Variants in TNRC6A observed in about 807,000 individuals in gnomAD.
The protein encoded by TNRC6A is trinucleotide repeat containing adaptor 6A.
A neutral mutation model predicts 221.2 loss-of-function variants in TNRC6A; 44 were observed. That is an observed-to-expected ratio of 0.20 (90% CI 0.16 to 0.26). The LOEUF is 0.26. Ranked by LOEUF, TNRC6A falls within the 10% of genes least tolerant of loss-of-function variation. The pLI is 1.00. For synonymous variants in TNRC6A, 847 were observed against 838.5 expected (o/e 1.01, Z -0.18); for missense variants, 2,199 against 2,404.4 (o/e 0.91, Z 1.79).
chr16:24,613,865 A>G (rs936844742), intron 1 of TNRC6A, among the ~76,000 whole-genome samples: 1 of 152,144 alleles, frequency 6.6e-6, no homozygotes, highest in African/African-American at 2.4e-5. Flanking sequence ...GGGAAGGAGC[A>G]TACTTGGATT....
chr16:24,725,777 GA>G (rs2056480958), upstream of TNRC6A, among the ~76,000 whole-genome samples: 1 of 151,878 alleles, frequency 6.6e-6, no homozygotes, highest in Admixed American at 6.6e-5. Flanking sequence ...CGAGGCGGGT[GA>G]TCACTTGAGT....
chr16:24,708,375 G>T (rs1289372933), intron 2 of TNRC6A, among the ~76,000 whole-genome samples: 1 of 151,960 alleles, frequency 6.6e-6, no homozygotes, highest in Non-Finnish European at 1.5e-5. Flanking sequence ...TGAATAGCTG[G>T]GTCTACAGGC....
At chr16:24,687,239 T>G (rs1390083591) in intron 2 of TNRC6A, among the ~76,000 whole-genome samples, 1 of 152,178 alleles carries the variant, frequency 6.6e-6, no homozygotes, top group Non-Finnish European at 1.5e-5. Flanking sequence ...ATCCATTCAA[T>G]GTCTACATCT....
intron 2 of TNRC6A, among the ~76,000 whole-genome samples, chr16:24,717,599 G>C (rs996365405): frequency 6.6e-6 from 1 of 152,024 alleles, no homozygotes; most frequent in African/African-American, 2.4e-5. Context: ...GCATTTGTCA[G>C]ATAAAGCAAA....
intron 21 of TNRC6A, 56 bp from the exon 22 acceptor site, chr16:24,820,083 T>G (rs2058736759): frequency 6.7e-7 from 1 of 1,492,212 alleles, no homozygotes; most frequent in Admixed American, 1.7e-5. Flanking sequence ...TTATTTAAAT[T>G]TCCTCCTTTC....
chr16:24,628,605 C>G (rs1901163495), intron 1 of TNRC6A, among the ~76,000 whole-genome samples: 1 of 152,070 alleles, frequency 6.6e-6, no homozygotes, highest in Admixed American at 6.6e-5. Context: ...ACCACTTCTA[C>G]TTAATGAATA....
intron 15 of TNRC6A, 80 bp downstream of exon 15, chr16:24,805,813 A>G (rs1169364968): frequency 5.7e-6 from 9 of 1,570,284 alleles, no homozygotes; most frequent in Non-Finnish European, 7.8e-6. Context: ...TGTGCGGGAC[A>G]TAGTGCACTA....
intron 2 of TNRC6A, among the ~76,000 whole-genome samples, chr16:24,737,230 ACTC>A (rs1457587266): frequency 6.6e-6 from 1 of 152,172 alleles, no homozygotes; most frequent in East Asian, 1.9e-4. Context: ...AAGGGTCATT[ACTC>A]CTCAAAGATT....
At position 24,791,624 on chromosome 16, in the gene TNRC6A, T is replaced by C. The variant is rs775965128; in HGVS notation, c.2982T>C (p.Ser994=). ...PTGWEEPSPE[S]IRRKMEIDDG... ...GCTGGGAGGAACCATCCCCAGAATC[T>C]ATACGTCGCAAAATGGAGATTGATG... is the stretch of plus-strand genomic sequence containing the variant. Residue 994 remains serine, a synonymous_variant, in exon 6 of 25, where the codon TCT becomes TCC. Coordinates refer to ENST00000395799, the MANE Select transcript of TNRC6A (RefSeq NM_014494.4). The C allele has an allele frequency of 6.2e-7, 1 of 1,610,828 alleles. No homozygotes were observed. The highest frequency in any genetic ancestry group is 8.5e-7 in the Non-Finnish European group (1 of 1,178,812).
chr16:24,657,343 CAAACAAACAAAG>C (rs1340181866), intron 2 of TNRC6A, among the ~76,000 whole-genome samples: 3 of 89,712 alleles, frequency 3.3e-5, no homozygotes, highest in Non-Finnish European at 7.1e-5. Flanking sequence ...AAAAAAAAAA[CAAACAAACAAAG>C]AAACAAACAA....
intron 15 of TNRC6A, 88 bp from the exon 16 acceptor site, chr16:24,806,118 C>T (rs2058426719): frequency 6.8e-7 from 1 of 1,469,994 alleles, no homozygotes; most frequent in African/African-American, 1.4e-5. Flanking sequence ...CACGTCGTGC[C>T]TCTGTAGGTC....
At chr16:24,800,462 G>A (rs1388267902) in intron 11 of TNRC6A, among the ~76,000 whole-genome samples, 1 of 152,186 alleles carries the variant, frequency 6.6e-6, no homozygotes, top group East Asian at 1.9e-4. Context: ...CCTCTGCTGT[G>A]ACATGAGCTC....
At chr16:24,763,169 A>G (rs193033416) in intron 4 of TNRC6A, among the ~76,000 whole-genome samples, 1 of 152,200 alleles carries the variant, frequency 6.6e-6, no homozygotes, top group Non-Finnish European at 1.5e-5. Flanking sequence ...TTTGATCTCT[A>G]TGCAGTAAAC....
intron 2 of TNRC6A, chr16:24,662,126 T>C (rs1204427198): frequency 1.3e-5 from 2 of 152,038 alleles, no homozygotes; most frequent in African/African-American, 2.4e-5. Context: ...ATTCCACGTA[T>C]AAAAATTCCA....
At chr16:24,762,898 A>G (rs1286366997) in intron 4 of TNRC6A, among the ~76,000 whole-genome samples, 1 of 152,216 alleles carries the variant, frequency 6.6e-6, no homozygotes, top group Non-Finnish European at 1.5e-5. Flanking sequence ...TCACTGAATA[A>G]ACTAAAACAA....
intron 1 of TNRC6A, among the ~76,000 whole-genome samples, chr16:24,613,509 ATTTTATTTTATTTTAT>A (rs1176611335): frequency 2.3e-5 from 1 of 43,642 alleles, no homozygotes; most frequent in Admixed American, 2.0e-4. Flanking sequence ...ATTTTATTTT[ATTTTATTTTATTTTAT>A]TTTATTTACT....
intron 2 of TNRC6A, among the ~76,000 whole-genome samples, chr16:24,692,424 G>A (rs1308559862): frequency 6.6e-6 from 1 of 152,050 alleles, no homozygotes; most frequent in African/African-American, 2.4e-5. Context: ...ACAAAAATTA[G>A]CTGGGCATGG....
Position 24,791,460 on chromosome 16 carries a change from C to T in TNRC6A, c.2818C>T (p.Pro940Ser). Residue 940 changes from proline (P) to serine (S), a missense_variant, in exon 6 of 25, where the codon CCA becomes TCA. Coordinates refer to ENST00000395799, the MANE Select transcript of TNRC6A (RefSeq NM_014494.4). ...QSLGWGDSSK[P>S]VSSPDWNKQQ... Reference sequence around the variant, plus strand: ...TCTAGGTTGGGGAGATTCGTCAAAGCCAGTCAGCTCTCCAGACTGGAACAA... The same window carrying T: ...TCTAGGTTGGGGAGATTCGTCAAAGTCAGTCAGCTCTCCAGACTGGAACAA... 1 of 1,531,132 alleles carries T rather than the reference C, an allele frequency of 6.5e-7. No individual in the cohort carries two copies. Among genetic ancestry groups the T allele is most frequent in the South Asian group, 1.3e-5 (1 of 75,954 alleles). The allele number at this position is 1,531,132 out of a possible 1,614,324, so 94.8% of individuals were successfully genotyped here.
chr16:24,777,451 T>TACAA, intron 5 of TNRC6A, 93 bp downstream of exon 5: 1 of 1,224,550 alleles, frequency 8.2e-7, no homozygotes, highest in Non-Finnish European at 1.1e-6. Flanking sequence ...GATGTATTTG[T>TACAA]ATTCATCAGT....
Sources: gnomAD v4.1 joint callset for allele counts (sites outside exome capture counted in the v4.1 genomes callset) on GRCh38, gnomAD v4.1.1 for gene constraint, MANE v1.5 for transcripts, NCBI Gene and HGNC (gene_info 2026-07-23, HGNC 2026-07-21) for gene names.